Variants in WASHC3 observed in about 807,000 individuals in gnomAD.
WASHC3 encodes the protein WASH complex subunit CCDC53.
WASHC3 carries 24 observed loss-of-function variants against 26.1 expected under a neutral mutation model. That is an observed-to-expected ratio of 0.92 (90% CI 0.66 to 1.29). WASHC3 has a LOEUF of 1.29. Among genes scored for constraint, WASHC3 ranks in the 50% most tolerant of loss-of-function variants. The pLI is 0.00. For missense variants in WASHC3, 214 were observed against 229.6 expected (o/e 0.93, Z 0.44); for synonymous variants, 77 against 75.7 (o/e 1.02, Z -0.09).
intron 5 of WASHC3, among the ~76,000 whole-genome samples, chr12:102,034,781 AGTGTGTGTGTGTGTGTGTGT>A (rs60815635): frequency 6.8e-6 from 1 of 146,064 alleles, no homozygotes; most frequent in Admixed American, 6.9e-5. Flanking sequence ...CCTAAAAAAA[AGTGTGTGTGTGTGTGTGTGT>A]GTGTGTGTGT....
At chr12:102,020,832 A>G (rs1313594812) in intron 6 of WASHC3, among the ~76,000 whole-genome samples, 1 of 152,246 alleles carries the variant, frequency 6.6e-6, no homozygotes, top group African/African-American at 2.4e-5. Context: ...CTGTAATCCC[A>G]GCACTTTGGG....
At chr12:102,039,836 C>G in intron 5 of WASHC3, 32 bp downstream of exon 5, 3 of 1,021,002 alleles carry the variant, frequency 2.9e-6, no homozygotes, top group Admixed American at 1.7e-5. Flanking sequence ...AGTGAGGCTG[C>G]TACACAAAGA....
At chr12:102,028,967 C>A (rs141822107) in intron 5 of WASHC3, among the ~76,000 whole-genome samples, 1 of 152,098 alleles carries the variant, frequency 6.6e-6, no homozygotes, top group African/African-American at 2.4e-5. Flanking sequence ...TCTGTATATG[C>A]ATATGGGTAA....
chr12:102,013,216 T>C, intron 6 of WASHC3, 24 bp from the exon 7 acceptor site: 1 of 1,240,918 alleles, frequency 8.1e-7, no homozygotes, highest in Non-Finnish European at 1.1e-6. Flanking sequence ...AAAAAAAATT[T>C]CAAAGGTCTT....
At position 102,056,982 on chromosome 12, in the gene WASHC3, A is replaced by G. The variant is rs1878617724; in HGVS notation, c.150+4266T>C. Reference sequence around the variant, plus strand: ...CTACAAGAAAAGAAAATCAAAGGTCAATATCCCCAGTGAACATAGAAGCAA... The same window carrying G: ...CTACAAGAAAAGAAAATCAAAGGTCGATATCCCCAGTGAACATAGAAGCAA... On this transcript the variant is annotated intron_variant, in intron 2 of 6. Transcript: ENST00000240079. Among the ~76,000 whole-genome samples the G allele has an allele frequency of 2.0e-5, 3 of 152,210 alleles. No individual in the cohort carries two copies. The South Asian group carries it at 6.2e-4, about 32-fold the overall frequency.
chr12:102,039,640 A>T (rs1473233644), intron 5 of WASHC3, among the ~76,000 whole-genome samples: 1 of 152,106 alleles, frequency 6.6e-6, no homozygotes. Context: ...AATGTACATA[A>T]ATCTATATTA....
intron 6 of WASHC3, chr12:102,017,699 T>G (rs1341707393): frequency 2.8e-6 from 1 of 361,898 alleles, no homozygotes; most frequent in Non-Finnish European, 5.3e-6. Context: ...CCACAGCAGC[T>G]GTACCATTTT....
chr12:102,031,501 G>A (rs1877436461), intron 5 of WASHC3, among the ~76,000 whole-genome samples: 1 of 152,038 alleles, frequency 6.6e-6, no homozygotes, highest in Admixed American at 6.5e-5. Flanking sequence ...TAGTTCATGG[G>A]AAGAATAAAA....
At chr12:102,049,917 C>T (rs1878319217) in intron 2 of WASHC3, among the ~76,000 whole-genome samples, 1 of 152,120 alleles carries the variant, frequency 6.6e-6, no homozygotes, top group African/African-American at 2.4e-5. Context: ...ACTAAAGAAA[C>T]TTTCAGGTTA....
intron 2 of WASHC3, chr12:102,059,843 C>G (rs984825738): frequency 6.6e-6 from 1 of 152,050 alleles, no homozygotes; most frequent in African/African-American, 2.4e-5. Context: ...TTTATTCAGT[C>G]AATTTTATAT....
At chr12:102,024,788 C>T (rs1877103572) in intron 6 of WASHC3, among the ~76,000 whole-genome samples, 1 of 152,124 alleles carries the variant, frequency 6.6e-6, no homozygotes, top group Non-Finnish European at 1.5e-5. Context: ...ATATTTACAA[C>T]CTATATATTG....
In WASHC3 at chr12:102,013,033, G is replaced by C; in HGVS notation, c.*75C>G. 1 of 667,316 alleles carries C rather than the reference G, an allele frequency of 1.5e-6. No homozygotes were observed. The highest frequency in any genetic ancestry group is 2.9e-5 in the East Asian group (1 of 34,948). The allele number at this position is 667,316 out of a possible 1,614,324, so 41.3% of individuals were successfully genotyped here. A position where few individuals can be genotyped will look rare whatever the true frequency, so the allele number is the denominator to read the frequency against. Reference sequence around the variant, plus strand: ...CCATTTGATGTTTTTATGACTAAGAGAGTTCAGGCTCAATCTCTTACAGAA... The same window carrying C: ...CCATTTGATGTTTTTATGACTAAGACAGTTCAGGCTCAATCTCTTACAGAA... On this transcript the variant is annotated 3_prime_UTR_variant, in exon 7 of 7. Transcript: ENST00000240079.
chr12:102,014,630 T>A (rs1329121275), intron 6 of WASHC3, among the ~76,000 whole-genome samples: 1 of 152,182 alleles, frequency 6.6e-6, no homozygotes, highest in Non-Finnish European at 1.5e-5. Context: ...TATAAACCCA[T>A]TTGCTCTGCT....
At chr12:102,059,934 A>C (rs1280777584) in intron 2 of WASHC3, 1 of 152,226 alleles carries the variant, frequency 6.6e-6, no homozygotes, top group Non-Finnish European at 1.5e-5. Flanking sequence ...TTAACATATA[A>C]AACTAAATTG....
chr12:102,061,846 C>T, intron 1 of WASHC3, 66 bp downstream of exon 1: 1 of 1,428,094 alleles, frequency 7.0e-7, no homozygotes, highest in Non-Finnish European at 9.6e-7. Flanking sequence ...GGTGTCTCCC[C>T]GGAAAGCTGC....
rs1878793138 is a variant in WASHC3, at chr12:102,061,154, TAAAG to T, written c.150+90_150+93del. On this transcript the variant is annotated intron_variant, in intron 2 of 6. Coordinates refer to ENST00000240079, the MANE Select transcript of WASHC3 (RefSeq NM_016053.4). ...GTGATGAGAGGTCACGGTACATGAA[TAAAG>T]ACTGTAATTCTTGTTTTACTCCATT... The T allele has an allele frequency of 3.7e-6, 3 of 805,928 alleles. No individual in the cohort carries two copies. In the South Asian group the frequency reaches 4.6e-5, roughly 12 times the overall value. 49.9% of individuals were successfully genotyped at this position (805,928 alleles called of 1,614,324 possible). A position where few individuals can be genotyped will look rare whatever the true frequency, so the allele number is the denominator to read the frequency against.
intron 6 of WASHC3, among the ~76,000 whole-genome samples, chr12:102,023,304 TCA>T: frequency 6.6e-6 from 1 of 152,314 alleles, no homozygotes; most frequent in South Asian, 2.1e-4. Context: ...TATATTAACC[TCA>T]GTTTTGCCCT....
chr12:102,057,050 T>G (rs1278416455), intron 2 of WASHC3, among the ~76,000 whole-genome samples: 1 of 152,054 alleles, frequency 6.6e-6, no homozygotes, highest in Non-Finnish European at 1.5e-5. Context: ...CAACAGCGCA[T>G]TAAAAAGGTC....
At chr12:102,062,004 C>G (rs754463335), upstream of WASHC3, 17 of 1,542,940 alleles carry the variant, frequency 1.1e-5, no homozygotes, top group African/African-American at 2.7e-5. Flanking sequence ...CCACAAACCC[C>G]TCCCAGATGG....
Sources: gnomAD v4.1 joint callset for allele counts (sites outside exome capture counted in the v4.1 genomes callset) on GRCh38, gnomAD v4.1.1 for gene constraint, MANE v1.5 for transcripts, NCBI Gene and HGNC (gene_info 2026-07-23, HGNC 2026-07-21) for gene names.